The following L3MBTL4 variants were observed in gnomAD, a reference collection of about 807,000 sequenced individuals.
The protein encoded by L3MBTL4 is lethal(3)malignant brain tumor-like protein 4.
L3MBTL4 carries 70 observed loss-of-function variants against 84.5 expected under a neutral mutation model. The ratio of observed to expected loss-of-function variants is 0.83; its 90% CI spans 0.68 to 1.01. L3MBTL4 has a LOEUF of 1.01. Among genes scored for constraint, L3MBTL4 ranks in the 50% least tolerant of loss-of-function variants. The probability of loss-of-function intolerance (pLI) is 0.00; values close to 1 mark genes in which losing one functional copy is unlikely to be tolerated. For synonymous variants in L3MBTL4, 274 were observed against 259.8 expected (o/e 1.05, Z -0.52); for missense variants, 715 against 754.8 (o/e 0.95, Z 0.62).
At chr18:6,027,586 G>A (rs2055570725) in intron 16 of L3MBTL4, among the ~76,000 whole-genome samples, 1 of 152,124 alleles carries the variant, frequency 6.6e-6, no homozygotes, top group South Asian at 2.1e-4. Context: ...GGTATTTCTG[G>A]TTCTTGATCC....
intron 4 of L3MBTL4, among the ~76,000 whole-genome samples, chr18:6,297,744 T>C (rs2050166079): frequency 1.3e-5 from 2 of 152,222 alleles, no homozygotes; most frequent in South Asian, 4.1e-4. Context: ...TTAGAGATGA[T>C]AATTGTTAAC....
chr18:6,216,141 C>T (rs967329118), intron 10 of L3MBTL4, among the ~76,000 whole-genome samples: 1 of 152,116 alleles, frequency 6.6e-6, no homozygotes, highest in African/African-American at 2.4e-5. Flanking sequence ...GTTTCTGACT[C>T]CCAAGCTCCA....
chr18:6,038,347 G>A (rs1438236737), intron 16 of L3MBTL4, among the ~76,000 whole-genome samples: 6 of 147,016 alleles, frequency 4.1e-5, no homozygotes, highest in South Asian at 2.2e-4. Context: ...TCCGCCTCTC[G>A]GGTTCACGCC....
intron 12 of L3MBTL4, among the ~76,000 whole-genome samples, chr18:6,190,240 T>G (rs2045007314): frequency 6.6e-6 from 1 of 152,158 alleles, no homozygotes; most frequent in East Asian, 1.9e-4. Context: ...TAATCTATAA[T>G]AAAACAGGAT....
At chr18:6,348,902 G>A (rs931329725) in intron 1 of L3MBTL4, among the ~76,000 whole-genome samples, 17 of 152,256 alleles carry the variant, frequency 1.1e-4, no homozygotes, top group African/African-American at 4.1e-4. Flanking sequence ...CTTTGAATGG[G>A]AACTTGACAA....
At chr18:6,194,574 A>G (rs950037041) in intron 12 of L3MBTL4, among the ~76,000 whole-genome samples, 5 of 152,224 alleles carry the variant, frequency 3.3e-5, no homozygotes, top group African/African-American at 1.2e-4. Flanking sequence ...GGCACACTTC[A>G]CTATTATCCC....
intron 1 of L3MBTL4, among the ~76,000 whole-genome samples, chr18:6,354,818 G>GTA (rs1196181907): frequency 6.6e-6 from 1 of 152,078 alleles, no homozygotes; most frequent in African/African-American, 2.4e-5. Flanking sequence ...GGGAACCCTC[G>GTA]TATACTGTTG....
intron 7 of L3MBTL4, among the ~76,000 whole-genome samples, chr18:6,242,583 C>T (rs1257618350): frequency 6.6e-6 from 1 of 152,166 alleles, no homozygotes; most frequent in African/African-American, 2.4e-5. Flanking sequence ...GGGAGGATCC[C>T]AAGGGACACC....
intron 3 of L3MBTL4, among the ~76,000 whole-genome samples, chr18:6,310,138 A>T (rs1209043922): frequency 2.0e-5 from 3 of 152,206 alleles, no homozygotes; most frequent in Non-Finnish European, 4.4e-5. Context: ...ATAACTCTGA[A>T]CACATCAAAT....
intron 16 of L3MBTL4, among the ~76,000 whole-genome samples, chr18:5,972,356 A>G (rs1341807785): frequency 6.6e-6 from 1 of 152,172 alleles, no homozygotes; most frequent in Non-Finnish European, 1.5e-5. Flanking sequence ...CTGGATAGGG[A>G]ATCTGGAATA....
intron 10 of L3MBTL4, among the ~76,000 whole-genome samples, chr18:6,221,704 C>T (rs2046561621): frequency 6.6e-6 from 1 of 152,158 alleles, no homozygotes; most frequent in Non-Finnish European, 1.5e-5. Context: ...GATTATGTGA[C>T]TAGTACCAGT....
intron 16 of L3MBTL4, among the ~76,000 whole-genome samples, chr18:6,071,819 A>AG (rs1568067235): frequency 3.7e-4 from 46 of 124,494 alleles, no homozygotes; most frequent in African/African-American, 8.0e-4. Context: ...AAGAAAGGAA[A>AG]GAAAGAAAGA....
chr18:6,322,293 A>G (rs1174951307), intron 1 of L3MBTL4, among the ~76,000 whole-genome samples: 1 of 151,922 alleles, frequency 6.6e-6, no homozygotes, highest in Admixed American at 6.6e-5. Flanking sequence ...AGCCAGGATC[A>G]TGGCACTCCA....
At chr18:5,968,364 A>T (rs2052455578) in intron 17 of L3MBTL4, among the ~76,000 whole-genome samples, 1 of 152,188 alleles carries the variant, frequency 6.6e-6, no homozygotes, top group Non-Finnish European at 1.5e-5. Context: ...TTTCTACAGC[A>T]TTATTGTAAA....
At chr18:6,244,378 G>A (rs2047571567) in intron 6 of L3MBTL4, 106 bp downstream of exon 6, 1 of 694,704 alleles carries the variant, frequency 1.4e-6, no homozygotes, top group Non-Finnish European at 2.5e-6. Flanking sequence ...AATCCATAAT[G>A]CACTGGAACT....
intron 10 of L3MBTL4, among the ~76,000 whole-genome samples, chr18:6,230,366 G>A (rs2046947594): frequency 6.6e-6 from 1 of 152,136 alleles, no homozygotes; most frequent in South Asian, 2.1e-4. Context: ...GTTCACTTAG[G>A]ATAATGGTCT....
intron 1 of L3MBTL4, among the ~76,000 whole-genome samples, chr18:6,391,141 CA>C (rs1390389189): frequency 6.6e-6 from 1 of 152,172 alleles, no homozygotes; most frequent in East Asian, 1.9e-4. Context: ...ACACCATGAT[CA>C]AGTGGGTTTC....
chr18:6,133,245 G>T (rs1159027146), intron 14 of L3MBTL4, among the ~76,000 whole-genome samples: 1 of 152,066 alleles, frequency 6.6e-6, no homozygotes, highest in African/African-American at 2.4e-5. Context: ...CACAAGGGCT[G>T]CTGAGCATGT....
At chr18:6,382,481 T>C (rs2054631898) in intron 1 of L3MBTL4, among the ~76,000 whole-genome samples, 1 of 152,174 alleles carries the variant, frequency 6.6e-6, no homozygotes, top group Non-Finnish European at 1.5e-5. Flanking sequence ...CTACCTTTGG[T>C]CTTTGATGTT....
Sources: gnomAD v4.1 joint callset for allele counts (sites outside exome capture counted in the v4.1 genomes callset) on GRCh38, gnomAD v4.1.1 for gene constraint, MANE v1.5 for transcripts, NCBI Gene and HGNC (gene_info 2026-07-23, HGNC 2026-07-21) for gene names.